Variants in XYLT1 observed in about 807,000 individuals in gnomAD.
The protein encoded by XYLT1 is beta-D-xylosyltransferase 1.
In XYLT1, 36 loss-of-function variants were observed where a neutral mutation model predicts 91.3. That is an observed-to-expected ratio of 0.39 (90% CI 0.30 to 0.52). The LOEUF (loss-of-function observed/expected upper bound fraction) is 0.52. Among genes scored for constraint, XYLT1 ranks in the 20% least tolerant of loss-of-function variants. The pLI, the probability that XYLT1 is intolerant of heterozygous loss-of-function variation, is 0.68. For synonymous variants in XYLT1, 588 were observed against 532.0 expected, an observed-to-expected ratio of 1.11 and a Z score of -1.45; for missense variants, 1,242 against 1,284.5, an observed-to-expected ratio of 0.97 and a Z score of 0.51.
At chr16:17,376,054 G>C (rs1041640649) in intron 1 of XYLT1, among the ~76,000 whole-genome samples, 1 of 152,244 alleles carries the variant, frequency 6.6e-6, no homozygotes, top group Non-Finnish European at 1.5e-5. Flanking sequence ...TACAGAGAAG[G>C]AAGTGGGACT....
chr16:17,183,008 C>A (rs969033562), intron 5 of XYLT1, among the ~76,000 whole-genome samples: 3 of 152,174 alleles, frequency 2.0e-5, no homozygotes, highest in Admixed American at 1.3e-4. Context: ...GCAGCCACAT[C>A]GTAGTGTTGG....
chr16:17,172,871 C>A (rs1371438793), intron 5 of XYLT1, among the ~76,000 whole-genome samples: 1 of 152,096 alleles, frequency 6.6e-6, no homozygotes, highest in South Asian at 2.1e-4. Context: ...GACATTTAAG[C>A]CCGGGTTTTA....
chr16:17,427,027 G>A (rs1321906850), intron 1 of XYLT1, among the ~76,000 whole-genome samples: 2 of 152,190 alleles, frequency 1.3e-5, no homozygotes, highest in Non-Finnish European at 2.9e-5. Context: ...ATTAGGTGGT[G>A]AATGATACAA....
intron 2 of XYLT1, among the ~76,000 whole-genome samples, chr16:17,316,543 C>T (rs917276892): frequency 1.3e-4 from 20 of 151,786 alleles, no homozygotes; most frequent in African/African-American, 4.4e-4. Context: ...ACTACAGGCA[C>T]GTGCCACCAT....
At chr16:17,423,025 C>T (rs1447178025) in intron 1 of XYLT1, among the ~76,000 whole-genome samples, 2 of 152,144 alleles carry the variant, frequency 1.3e-5, no homozygotes, top group Non-Finnish European at 2.9e-5. Flanking sequence ...AGCAGTACGT[C>T]GAAGCACAGT....
At chr16:17,138,222 C>CTATT (rs2030827143) in intron 8 of XYLT1, 133 bp downstream of exon 8, 1 of 869,626 alleles carries the variant, frequency 1.1e-6, no homozygotes, top group Admixed American at 3.8e-5. Context: ...ATACTGTTAA[C>CTATT]TATTATTAAT....
intron 2 of XYLT1, among the ~76,000 whole-genome samples, chr16:17,300,452 CTTTTTTTTTTTTTTTTTTTT>C (rs67480834): frequency 3.1e-5 from 2 of 64,842 alleles, no homozygotes; most frequent in African/African-American, 1.2e-4. Flanking sequence ...TTCATTCTTT[CTTTTTTTTTTTTTTTTTTTT>C]TTGAGATGGA....
chr16:17,248,479 C>T (rs943271894), intron 3 of XYLT1, among the ~76,000 whole-genome samples: 2 of 152,136 alleles, frequency 1.3e-5, no homozygotes, highest in African/African-American at 2.4e-5. Flanking sequence ...ATCCTCTAAA[C>T]CTAGCACTTT....
intron 1 of XYLT1, among the ~76,000 whole-genome samples, chr16:17,388,464 C>A (rs529773955): frequency 6.6e-6 from 1 of 152,162 alleles, no homozygotes; most frequent in Non-Finnish European, 1.5e-5. Flanking sequence ...CAAGCACGGT[C>A]TCTGGGTTCA....
rs550174289 is a variant in XYLT1 at position 17,316,729 on chromosome 16, C to T, written c.402+41283G>A. On this transcript the variant is annotated intron_variant, in intron 2 of 11. Coordinates refer to ENST00000261381, the MANE Select transcript of XYLT1 (RefSeq NM_022166.4). ...CTGCTCTTGAGGCTCTGTTTTACTT[C>T]TGCTTGGCTGGCTCAGACAGCAGGA... Among the ~76,000 whole-genome samples, 7 of 151,826 alleles carry T rather than the reference C, an allele frequency of 4.6e-5. No homozygotes were observed. In the South Asian group the frequency reaches 1.0e-3, roughly 23 times the overall value.
At chr16:17,229,192 C>T (rs1597207572) in intron 3 of XYLT1, among the ~76,000 whole-genome samples, 1 of 152,280 alleles carries the variant, frequency 6.6e-6, no homozygotes, top group Middle Eastern at 3.4e-3. Context: ...TCATTCGCCT[C>T]TGGCACCATG....
intron 5 of XYLT1, among the ~76,000 whole-genome samples, chr16:17,189,595 G>C (rs1177218362): frequency 6.6e-6 from 1 of 152,230 alleles, no homozygotes; most frequent in Non-Finnish European, 1.5e-5. Flanking sequence ...TGGATAAACA[G>C]ATTGTGGTAC....
chr16:17,250,438 G>A (rs906547131), intron 3 of XYLT1: 3 of 152,228 alleles, frequency 2.0e-5, no homozygotes, highest in African/African-American at 4.8e-5. Flanking sequence ...ATGGTCATTT[G>A]TTGATGTGTT....
intron 2 of XYLT1, among the ~76,000 whole-genome samples, chr16:17,314,498 T>G (rs910713003): frequency 5.3e-5 from 8 of 152,140 alleles, no homozygotes; most frequent in African/African-American, 1.9e-4. Context: ...TCCCACCAAT[T>G]GCTCCTCCAT....
chr16:17,365,519 G>A (rs1001329846), intron 1 of XYLT1, among the ~76,000 whole-genome samples: 1 of 152,118 alleles, frequency 6.6e-6, no homozygotes, highest in Non-Finnish European at 1.5e-5. Context: ...TAGGGCTCAG[G>A]GGAGAAAACA....
intron 1 of XYLT1, among the ~76,000 whole-genome samples, chr16:17,394,464 T>G (rs548586394): frequency 6.6e-6 from 1 of 152,332 alleles, no homozygotes; most frequent in South Asian, 2.1e-4. Flanking sequence ...TATGGCCCAG[T>G]GATTCCAATA....
intron 1 of XYLT1, among the ~76,000 whole-genome samples, chr16:17,411,167 T>C (rs975311123): frequency 6.6e-6 from 1 of 152,224 alleles, no homozygotes; most frequent in Non-Finnish European, 1.5e-5. Flanking sequence ...ACCCACCTCA[T>C]GGGCCAGTTG....
intron 3 of XYLT1, among the ~76,000 whole-genome samples, chr16:17,214,260 G>A (rs2032814947): frequency 6.6e-6 from 1 of 152,204 alleles, no homozygotes; most frequent in South Asian, 2.1e-4. Flanking sequence ...GTTTCGTTTT[G>A]AAATCGGACA....
chr16:17,376,154 G>A (rs1366083764), intron 1 of XYLT1, among the ~76,000 whole-genome samples: 1 of 152,218 alleles, frequency 6.6e-6, no homozygotes, highest in Non-Finnish European at 1.5e-5. Flanking sequence ...CAACCAGGGG[G>A]GTGGTTTTGT....
Sources: gnomAD v4.1 joint callset for allele counts (sites outside exome capture counted in the v4.1 genomes callset) on GRCh38, gnomAD v4.1.1 for gene constraint, MANE v1.5 for transcripts, NCBI Gene and HGNC (gene_info 2026-07-23, HGNC 2026-07-21) for gene names.